CSMD3: variants seen among roughly 807,000 people sequenced by gnomAD.
CSMD3 encodes the protein CUB and sushi domain-containing protein 3.
In CSMD3, 177 loss-of-function variants were observed where a neutral mutation model predicts 435.2. The observed-to-expected ratio is 0.41, with a 90% confidence interval of 0.36 to 0.46. The LOEUF is 0.46. CSMD3 is among the 20% of genes least tolerant of loss of function. The probability of loss-of-function intolerance (pLI) is 0.34; values close to 1 mark genes in which losing one functional copy is unlikely to be tolerated. For missense variants in CSMD3, 4,265 were observed against 4,504.6 expected, an observed-to-expected ratio of 0.95 and a Z score of 1.52; for synonymous variants, 1,656 against 1,520.5, an observed-to-expected ratio of 1.09 and a Z score of -2.07.
chr8:113,362,330 T>C (rs1025953652), intron 1 of CSMD3, among the ~76,000 whole-genome samples: 6 of 152,162 alleles, frequency 3.9e-5, no homozygotes, highest in Non-Finnish European at 7.4e-5. Context: ...GAGTTATATA[T>C]AGAAGAGTCA....
At chr8:113,358,939 T>C (rs961181896) in intron 1 of CSMD3, among the ~76,000 whole-genome samples, 1 of 152,048 alleles carries the variant, frequency 6.6e-6, no homozygotes, top group African/African-American at 2.4e-5. Flanking sequence ...TTGTGCCACA[T>C]AGCAAAATAA....
rs1240571389 is a variant in CSMD3 at position 112,292,720 on chromosome 8, T to C, written c.8615-10A>G. 2 of 1,612,826 alleles carry C rather than the reference T, an allele frequency of 1.2e-6. No individual in the cohort carries two copies. Among genetic ancestry groups the C allele is most frequent in the East Asian group, 4.5e-5 (2 of 44,844 alleles). ...TGACCACAGCTAACAGCTAATAAGA[T>C]GTGGCAGGAGGACAGGGAAGGAAAC... On this transcript the variant is annotated splice_polypyrimidine_tract_variant and intron_variant, in intron 54 of 70. Transcript: ENST00000297405.
chr8:112,336,364 C>T (rs1824554943), intron 44 of CSMD3, among the ~76,000 whole-genome samples: 1 of 152,162 alleles, frequency 6.6e-6, no homozygotes, highest in Admixed American at 6.5e-5. Flanking sequence ...AAACTTAAGT[C>T]TGTTAACTTC....
intron 49 of CSMD3, among the ~76,000 whole-genome samples, chr8:112,313,246 C>G (rs1323629965): frequency 6.6e-6 from 1 of 152,094 alleles, no homozygotes; most frequent in Non-Finnish European, 1.5e-5. Flanking sequence ...GAATTTCCAG[C>G]CTACATCTTT....
chr8:112,232,469 G>A (rs1813179035), intron 68 of CSMD3, among the ~76,000 whole-genome samples: 1 of 152,018 alleles, frequency 6.6e-6, no homozygotes, highest in Non-Finnish European at 1.5e-5. Context: ...ATTAGCCAGG[G>A]GTGGTGGCAT....
chr8:112,968,016 G>T (rs550397218), intron 7 of CSMD3, among the ~76,000 whole-genome samples: 1 of 151,802 alleles, frequency 6.6e-6, no homozygotes, highest in Non-Finnish European at 1.5e-5. Context: ...AAATAACACT[G>T]CCTAAAAGAA....
chr8:112,832,508 A>G (rs1488674126), intron 11 of CSMD3, among the ~76,000 whole-genome samples: 2 of 152,220 alleles, frequency 1.3e-5, no homozygotes, highest in African/African-American at 4.8e-5. Flanking sequence ...ACAAAAAATC[A>G]GAAGAGATGC....
At chr8:112,466,858 G>GT (rs375777814) in intron 32 of CSMD3, among the ~76,000 whole-genome samples, 2,639 of 152,104 alleles carry the variant, frequency 0.017, 77 homozygotes, top group African/African-American at 0.06. Flanking sequence ...ACTTATCACT[G>GT]TTTTAACATA....
intron 32 of CSMD3, among the ~76,000 whole-genome samples, chr8:112,451,328 C>T (rs570321791): frequency 1.5e-4 from 23 of 149,864 alleles, no homozygotes; most frequent in South Asian, 6.3e-4. Context: ...GGAAATGGCA[C>T]GTGTTTTTAA....
intron 3 of CSMD3, among the ~76,000 whole-genome samples, chr8:113,277,483 G>A (rs995051926): frequency 2.0e-5 from 3 of 151,860 alleles, no homozygotes; most frequent in Admixed American, 1.3e-4. Flanking sequence ...GAAAAATACT[G>A]TACTAGAATT....
At chr8:113,341,742 C>G (rs568540231) in intron 1 of CSMD3, among the ~76,000 whole-genome samples, 9 of 152,066 alleles carry the variant, frequency 5.9e-5, no homozygotes, top group Non-Finnish European at 1.2e-4. Flanking sequence ...TAAATATATG[C>G]TTTAGGTGTA....
At chr8:113,363,598 G>A (rs2094292211) in intron 1 of CSMD3, among the ~76,000 whole-genome samples, 1 of 152,002 alleles carries the variant, frequency 6.6e-6, no homozygotes, top group Admixed American at 6.6e-5. Context: ...TGCTTTCGTG[G>A]CTGCTTCGCC....
intron 5 of CSMD3, among the ~76,000 whole-genome samples, chr8:113,095,475 A>G (rs923443330): frequency 1.3e-5 from 2 of 152,138 alleles, no homozygotes; most frequent in Non-Finnish European, 2.9e-5. Flanking sequence ...GAGTTACCCA[A>G]TGACCTCTAT....
intron 31 of CSMD3, among the ~76,000 whole-genome samples, chr8:112,488,253 T>C (rs1328289840): frequency 2.6e-5 from 4 of 152,142 alleles, no homozygotes; most frequent in Non-Finnish European, 4.4e-5. Context: ...ACTTTATAAA[T>C]TGATTTGGTT....
At chr8:113,147,123 C>G (rs956760883) in intron 4 of CSMD3, among the ~76,000 whole-genome samples, 1 of 151,518 alleles carries the variant, frequency 6.6e-6, no homozygotes, top group East Asian at 1.9e-4. Context: ...AAATCACTCC[C>G]TAATAAATAA....
At chr8:112,270,361 T>A (rs1452571066) in intron 59 of CSMD3, among the ~76,000 whole-genome samples, 1 of 135,630 alleles carries the variant, frequency 7.4e-6, no homozygotes, top group African/African-American at 3.5e-5. Flanking sequence ...TGTGTGTGTG[T>A]GTGTGTGTGT....
chr8:112,805,417 A>G (rs1344220958), intron 12 of CSMD3, among the ~76,000 whole-genome samples: 2 of 56,240 alleles, frequency 3.6e-5, no homozygotes, highest in Non-Finnish European at 7.7e-5. Flanking sequence ...AGCAATGGCC[A>G]TGGTCAAACA....
intron 32 of CSMD3, among the ~76,000 whole-genome samples, chr8:112,444,491 A>G (rs1815378060): frequency 6.6e-6 from 1 of 152,224 alleles, no homozygotes; most frequent in African/African-American, 2.4e-5. Context: ...TAAATGCCCT[A>G]TGGTGCATAC....
At chr8:113,167,575 T>C (rs1365335179) in intron 4 of CSMD3, among the ~76,000 whole-genome samples, 1 of 152,118 alleles carries the variant, frequency 6.6e-6, no homozygotes, top group African/African-American at 2.4e-5. Context: ...CAAAACAAGA[T>C]TAAGGTGCAT....
Sources: allele counts gnomAD v4.1 joint callset (sites outside exome capture counted in the v4.1 genomes callset), GRCh38; gene constraint gnomAD v4.1.1; transcripts MANE v1.5; gene names NCBI Gene and HGNC (gene_info 2026-07-23, HGNC 2026-07-21).